Variants in NEGR1 observed in about 807,000 individuals in gnomAD.
NEGR1 encodes neuronal growth regulator 1, also known as IgLON family member 4.
In NEGR1, 10 loss-of-function variants were observed where a neutral mutation model predicts 40.9. The ratio of observed to expected loss-of-function variants is 0.24; its 90% CI spans 0.15 to 0.42. The LOEUF (loss-of-function observed/expected upper bound fraction) is 0.42. NEGR1 is among the 10% of genes least tolerant of loss of function. The pLI, the probability that NEGR1 is intolerant of heterozygous loss-of-function variation, is 1.00. For synonymous variants in NEGR1, 185 were observed against 166.8 expected (o/e 1.11, Z -0.84); for missense variants, 352 against 438.9 (o/e 0.80, Z 1.77).
At chr1:71,626,765 T>C (rs931237157) in intron 4 of NEGR1, among the ~76,000 whole-genome samples, 11 of 151,852 alleles carry the variant, frequency 7.2e-5, no homozygotes, top group Non-Finnish European at 1.2e-4. Context: ...CTAATTAATA[T>C]CCAGAATCTA....
At chr1:72,222,611 G>A (rs1266299352) in intron 1 of NEGR1, among the ~76,000 whole-genome samples, 1 of 152,080 alleles carries the variant, frequency 6.6e-6, no homozygotes, top group African/African-American at 2.4e-5. Flanking sequence ...GAGGTAGTGA[G>A]GTTCTCTATC....
At chr1:71,993,323 C>G (rs1646471799) in intron 1 of NEGR1, among the ~76,000 whole-genome samples, 1 of 152,096 alleles carries the variant, frequency 6.6e-6, no homozygotes, top group African/African-American at 2.4e-5. Flanking sequence ...ATGTAATGGA[C>G]AAAGAACAGA....
At chr1:72,179,693 T>G (rs1192798411) in intron 1 of NEGR1, among the ~76,000 whole-genome samples, 1 of 151,942 alleles carries the variant, frequency 6.6e-6, no homozygotes, top group East Asian at 1.9e-4. Flanking sequence ...TAAGATGAGG[T>G]TGCAGTGTAC....
chr1:72,026,819 C>T (rs182973724), intron 1 of NEGR1, among the ~76,000 whole-genome samples: 3 of 152,262 alleles, frequency 2.0e-5, no homozygotes, highest in Admixed American at 2.0e-4. Flanking sequence ...CTACCCTCTC[C>T]ATCAATCCTT....
intron 3 of NEGR1, among the ~76,000 whole-genome samples, chr1:71,706,989 C>G (rs1342139894): frequency 6.6e-6 from 1 of 152,056 alleles, no homozygotes; most frequent in Admixed American, 6.6e-5. Flanking sequence ...TCAGTGCTGT[C>G]TTGTTAGAGC....
intron 6 of NEGR1, chr1:71,468,193 C>T (rs1375900181): frequency 6.6e-6 from 1 of 151,862 alleles, no homozygotes; most frequent in African/African-American, 2.4e-5. Flanking sequence ...TTTGATGTTT[C>T]ATTGGTCCTT....
chr1:71,928,345 CAT>C lies in NEGR1; in HGVS notation c.409+6732_409+6733del, dbSNP rs1469045940. On this transcript the variant is annotated intron_variant, in intron 2 of 6. Coordinates refer to ENST00000357731, the MANE Select transcript of NEGR1 (RefSeq NM_173808.3). The stretch of plus-strand genomic sequence containing the variant: ...ATACGTATATATGTATATATACACA[CAT>C]GTGTATATATATATACACATATGTA... Among the ~76,000 whole-genome samples the C allele has an allele frequency of 7.0e-5, 6 of 86,278 alleles. 1 individual carries two copies. Among genetic ancestry groups the C allele is most frequent in the East Asian group, 2.9e-4 (1 of 3,490 alleles). The allele number at this position is 86,278 out of a possible 152,430, so 56.6% of individuals were successfully genotyped here.
chr1:72,141,364 C>T (rs1195855926), intron 1 of NEGR1, among the ~76,000 whole-genome samples: 1 of 151,924 alleles, frequency 6.6e-6, no homozygotes, highest in Non-Finnish European at 1.5e-5. Context: ...CCAGTCATGA[C>T]ATGGTATGAA....
At chr1:71,409,093 A>G (rs954546194) in intron 6 of NEGR1, 16 of 152,052 alleles carry the variant, frequency 1.1e-4, no homozygotes, top group Admixed American at 6.6e-5. Context: ...GTGTATAATT[A>G]CAAATGAGTT....
chr1:72,182,936 C>G (rs1557566734), intron 1 of NEGR1, among the ~76,000 whole-genome samples: 1 of 151,944 alleles, frequency 6.6e-6, no homozygotes, highest in East Asian at 1.9e-4. Context: ...AAAAGTTTCA[C>G]ATAATATCAT....
At chr1:71,507,740 C>T (rs764634167) in intron 6 of NEGR1, among the ~76,000 whole-genome samples, 15 of 152,166 alleles carry the variant, frequency 9.9e-5, no homozygotes, top group South Asian at 2.1e-4. Context: ...TTGGAAAATG[C>T]GAGCCACTTT....
intron 6 of NEGR1, among the ~76,000 whole-genome samples, chr1:71,470,234 T>C (rs1288016480): frequency 1.3e-5 from 2 of 152,108 alleles, no homozygotes; most frequent in Admixed American, 6.6e-5. Flanking sequence ...TCTTTTTTTT[T>C]CCTACTATCG....
chr1:71,821,891 G>A lies in NEGR1; in HGVS notation c.410-45594C>T, dbSNP rs570025175. On this transcript the variant is annotated intron_variant, in intron 2 of 6. Transcript: ENST00000357731. ...ACAGGCAGACATAAGCAAGCAACATGAGCAGATAATTCAGAACCCCATGGC... is the reference window on the plus strand; with the variant it reads ...ACAGGCAGACATAAGCAAGCAACATAAGCAGATAATTCAGAACCCCATGGC... 2.0e-5 allele frequency among the ~76,000 whole-genome samples: 3 copies of A among 152,084 alleles called. No individual in the cohort carries two copies. In the East Asian group the frequency reaches 5.8e-4, roughly 30 times the overall value.
chr1:71,677,801 C>CA lies in NEGR1; in HGVS notation c.667+20206_667+20207insT, dbSNP rs1652695575. ...GAGGAATGCATGTATAACTTGCAGT[C>CA]TAGCTTCGTATGACATTAAAATCTT... On this transcript the variant is annotated intron_variant, in intron 4 of 6. Coordinates refer to ENST00000357731, the MANE Select transcript of NEGR1 (RefSeq NM_173808.3). Among the ~76,000 whole-genome samples, 4 of 152,240 alleles carry CA rather than the reference C, an allele frequency of 2.6e-5. 1 individual carries two copies. In the South Asian group the frequency reaches 8.3e-4, roughly 32 times the overall value.
intron 4 of NEGR1, among the ~76,000 whole-genome samples, chr1:71,649,762 T>G (rs1441808191): frequency 6.6e-6 from 1 of 152,116 alleles, no homozygotes; most frequent in Non-Finnish European, 1.5e-5. Context: ...TGGCAGAGTT[T>G]CCTAGTCTCG....
At chr1:72,126,564 T>A (rs942740652) in intron 1 of NEGR1, among the ~76,000 whole-genome samples, 3 of 152,156 alleles carry the variant, frequency 2.0e-5, no homozygotes, top group African/African-American at 7.2e-5. Flanking sequence ...ACCTTCTTGG[T>A]TACTAAGGCT....
intron 1 of NEGR1, among the ~76,000 whole-genome samples, chr1:72,161,010 A>C (rs923738959): frequency 6.6e-6 from 1 of 152,142 alleles, no homozygotes; most frequent in Non-Finnish European, 1.5e-5. Context: ...TAATAGGGGC[A>C]ATTAGGTGGA....
chr1:72,244,291 G>A (rs1017327566), intron 1 of NEGR1, among the ~76,000 whole-genome samples: 8 of 151,500 alleles, frequency 5.3e-5, no homozygotes, highest in African/African-American at 1.2e-4. Flanking sequence ...GTCAACTATC[G>A]AAGAAATTAA....
intron 2 of NEGR1, among the ~76,000 whole-genome samples, chr1:71,803,162 G>T (rs1657622675): frequency 6.6e-6 from 1 of 152,014 alleles, no homozygotes; most frequent in Admixed American, 6.6e-5. Context: ...CATCTTGGTT[G>T]GCCCCTAATC....
Sources: gnomAD v4.1 joint callset for allele counts (sites outside exome capture counted in the v4.1 genomes callset) on GRCh38, gnomAD v4.1.1 for gene constraint, MANE v1.5 for transcripts, NCBI Gene and HGNC (gene_info 2026-07-23, HGNC 2026-07-21) for gene names.